Variants in FBXO4 observed in about 807,000 individuals in gnomAD.
The protein encoded by FBXO4 is F-box protein 4, also known as F-box only protein 4.
A neutral mutation model predicts 43.7 loss-of-function variants in FBXO4; 36 were observed. The ratio of observed to expected loss-of-function variants is 0.82; its 90% confidence interval spans 0.63 to 1.09. The LOEUF is 1.09. Ranked by LOEUF, FBXO4 falls within the 50% of genes least tolerant of loss-of-function variation. FBXO4 has a pLI of 0.00. For synonymous variants in FBXO4, 180 were observed against 165.6 expected, an observed-to-expected ratio of 1.09 and a Z score of -0.67; for missense variants, 435 against 474.1, an observed-to-expected ratio of 0.92 and a Z score of 0.77.
chr5:42,004,541 T>C, the FBXO4 span, among the ~76,000 whole-genome samples: 1,532 of 152,266 alleles, frequency 0.01, 75 homozygotes, highest in Admixed American at 0.072. Flanking sequence ...GAATAATACA[T>C]GTAAGTTTAA....
the FBXO4 span, among the ~76,000 whole-genome samples, chr5:42,035,408 A>G: frequency 6.6e-6 from 1 of 152,130 alleles, no homozygotes; most frequent in East Asian, 1.9e-4. Context: ...GGCAGTTTTC[A>G]AAGGGAATGC....
At chr5:42,013,839 T>C in the FBXO4 span, among the ~76,000 whole-genome samples, 5 of 152,208 alleles carry the variant, frequency 3.3e-5, no homozygotes, top group Admixed American at 6.5e-5. Flanking sequence ...GCCAGTAGTG[T>C]ACATCAGCAA....
the FBXO4 span, among the ~76,000 whole-genome samples, chr5:41,957,298 G>T: frequency 6.6e-6 from 1 of 151,338 alleles, no homozygotes; most frequent in South Asian, 2.1e-4. Flanking sequence ...TTCCTTTACA[G>T]TTTTTTCTCT....
chr5:42,029,003 T>C, the FBXO4 span, among the ~76,000 whole-genome samples: 1 of 151,974 alleles, frequency 6.6e-6, no homozygotes, highest in Non-Finnish European at 1.5e-5. Context: ...TTATAACAGT[T>C]TGTGTTTTTC....
At chr5:41,939,681 T>G in intron 6 of FBXO4, 65 bp downstream of exon 6, 1 of 1,321,210 alleles carries the variant, frequency 7.6e-7, no homozygotes, top group Non-Finnish European at 1.0e-6. Flanking sequence ...TTTGATTTTA[T>G]TTTTTAAATT....
the FBXO4 span, among the ~76,000 whole-genome samples, chr5:42,026,544 C>T: frequency 6.6e-6 from 1 of 151,738 alleles, no homozygotes; most frequent in Non-Finnish European, 1.5e-5. Context: ...AATTTGGATG[C>T]TTTTTATTTC....
At chr5:42,027,991 G>T in the FBXO4 span, among the ~76,000 whole-genome samples, 1 of 151,916 alleles carries the variant, frequency 6.6e-6, no homozygotes, top group African/African-American at 2.4e-5. Context: ...CTAAAGAAAA[G>T]AATGTGTATT....
chr5:42,029,828 T>C, the FBXO4 span, among the ~76,000 whole-genome samples: 2 of 152,066 alleles, frequency 1.3e-5, no homozygotes, highest in African/African-American at 4.8e-5. Context: ...AATCTCTTTG[T>C]TAAATTTATC....
At chr5:42,024,562 TC>T in the FBXO4 span, among the ~76,000 whole-genome samples, 1 of 152,014 alleles carries the variant, frequency 6.6e-6, no homozygotes, top group Non-Finnish European at 1.5e-5. Context: ...TTACAAACAA[TC>T]CCGTTAATTC....
At chr5:41,999,509 A>ATATATATATATG in the FBXO4 span, among the ~76,000 whole-genome samples, 1 of 66,092 alleles carries the variant, frequency 1.5e-5, no homozygotes, top group African/African-American at 1.0e-4. Context: ...ATATATGTGT[A>ATATATATATATG]TATATATATA....
the FBXO4 span, among the ~76,000 whole-genome samples, chr5:41,980,364 C>A: frequency 3.3e-5 from 5 of 152,088 alleles, no homozygotes; most frequent in African/African-American, 1.2e-4. Context: ...TCTCCATATT[C>A]CAGGATGAAA....
At chr5:42,025,791 A>G in the FBXO4 span, among the ~76,000 whole-genome samples, 2 of 152,068 alleles carry the variant, frequency 1.3e-5, no homozygotes, top group Admixed American at 1.3e-4. Flanking sequence ...CTATTTATTG[A>G]AGAGACTGTC....
chr5:42,037,425 C>G, the FBXO4 span, among the ~76,000 whole-genome samples: 1 of 151,930 alleles, frequency 6.6e-6, no homozygotes, highest in Admixed American at 6.6e-5. Flanking sequence ...CTGAAACCAT[C>G]CCTACAAATT....
chr5:41,928,998 C>T (rs1215264183), intron 2 of FBXO4, among the ~76,000 whole-genome samples: 1 of 152,182 alleles, frequency 6.6e-6, no homozygotes, highest in Non-Finnish European at 1.5e-5. Flanking sequence ...ATCATTTGAG[C>T]CTCCCTCATT....
At chr5:41,964,384 T>G in the FBXO4 span, among the ~76,000 whole-genome samples, 2 of 152,124 alleles carry the variant, frequency 1.3e-5, no homozygotes, top group African/African-American at 4.8e-5. Flanking sequence ...TTCTCTTTTT[T>G]TCATACCACA....
the FBXO4 span, among the ~76,000 whole-genome samples, chr5:42,034,315 C>A: frequency 6.6e-6 from 1 of 152,068 alleles, no homozygotes; most frequent in Non-Finnish European, 1.5e-5. Context: ...CTGTAGGCTG[C>A]CTGTTCACTC....
chr5:41,940,113 A>G (rs1226227577), intron 6 of FBXO4, among the ~76,000 whole-genome samples: 1 of 151,348 alleles, frequency 6.6e-6, no homozygotes, highest in Non-Finnish European at 1.5e-5. Flanking sequence ...GGCCTCCCAA[A>G]GTGCTGGGAT....
the FBXO4 span, among the ~76,000 whole-genome samples, chr5:42,022,406 G>A: frequency 6.6e-6 from 1 of 152,124 alleles, no homozygotes; most frequent in Non-Finnish European, 1.5e-5. Context: ...TTATATGAAA[G>A]TAAAGCTACA....
chr5:41,990,677 T>C, the FBXO4 span, among the ~76,000 whole-genome samples: 43 of 152,210 alleles, frequency 2.8e-4, no homozygotes, highest in African/African-American at 1.0e-3. Flanking sequence ...TTCTATTTTT[T>C]ATCTAAGTTG....
Sources: allele counts gnomAD v4.1 joint callset (sites outside exome capture counted in the v4.1 genomes callset), GRCh38; gene constraint gnomAD v4.1.1; transcripts MANE v1.5; gene names NCBI Gene and HGNC (gene_info 2026-07-23, HGNC 2026-07-21).